Variants in SEH1L observed in about 807,000 individuals in gnomAD.
SEH1L encodes SEH1 like nucleoporin.
Under a neutral mutation model 49.5 loss-of-function variants are expected in SEH1L, and 18 were observed. That is an observed-to-expected ratio of 0.36 (90% CI 0.25 to 0.54). The LOEUF (loss-of-function observed/expected upper bound fraction) is 0.54. Ranked by LOEUF, SEH1L falls within the 20% of genes least tolerant of loss-of-function variation. SEH1L has a pLI of 0.87. For synonymous variants in SEH1L, 169 were observed against 178.1 expected (o/e 0.95, Z 0.41); for missense variants, 404 against 528.8 (o/e 0.76, Z 2.31).
At chr18:12,983,002 C>G (rs983579973) in intron 7 of SEH1L, 1 of 161,446 alleles carries the variant, frequency 6.2e-6, no homozygotes, top group Admixed American at 6.4e-5. Context: ...GTAGTGGCTC[C>G]TTTTTTATCA....
rs201098722 is a variant in SEH1L at position 12,969,686 on chromosome 18, C to CA, written c.522-1451dup. ...CTGGCGACAGAGTGAGACTCCATCT[C>CA]AAAAAAAAAAAAAAAATCAAAACCA... On this transcript the variant is annotated intron_variant, in intron 4 of 8. Coordinates refer to ENST00000399892, the MANE Select transcript of SEH1L (RefSeq NM_001013437.2). Among the ~76,000 whole-genome samples the CA allele has an allele frequency of 9.9e-3, 974 of 98,020 alleles. 6 individuals are homozygous for CA. Among genetic ancestry groups the CA allele is most frequent in the South Asian group, 0.03 (96 of 3,200 alleles). The allele number at this position is 98,020 out of a possible 152,430, so 64.3% of individuals were successfully genotyped here.
chr18:12,960,431 TA>T (rs894745663), intron 3 of SEH1L, among the ~76,000 whole-genome samples: 2 of 152,242 alleles, frequency 1.3e-5, no homozygotes, highest in Non-Finnish European at 2.9e-5. Flanking sequence ...ATAATGGCTA[TA>T]TATATGGAGG....
chr18:12,948,074 G>GCTGCCGCCGCCA lies in SEH1L; in HGVS notation c.-44_-33dup. 6.8e-7 allele frequency: 1 copy of GCTGCCGCCGCCA among 1,469,974 alleles called. No individual in the cohort carries two copies. The highest frequency in any genetic ancestry group is 9.4e-7 in the Non-Finnish European group (1 of 1,064,676). The allele number at this position is 1,469,974 out of a possible 1,614,324, so 91.1% of individuals were successfully genotyped here. On this transcript the variant is annotated 5_prime_UTR_variant, in exon 1 of 9. Transcript: ENST00000399892. ...AGGCTACGGGCCACGCGCCGCCGCC[G>GCTGCCGCCGCCA]CTGCCGCCGCCACTGTCCTCTTCGG... is the stretch of plus-strand genomic sequence containing the variant.
At chr18:12,967,983 T>C (rs1270532506) in intron 4 of SEH1L, among the ~76,000 whole-genome samples, 1 of 152,162 alleles carries the variant, frequency 6.6e-6, no homozygotes, top group African/African-American at 2.4e-5. Context: ...AAATAAATTT[T>C]AGGCCAGTTT....
chr18:12,963,191 C>T lies in SEH1L; in HGVS notation c.341C>T (p.Thr114Ile). 1.9e-6 allele frequency: 3 copies of T among 1,613,414 alleles called. No homozygotes were observed. Among genetic ancestry groups the T allele is most frequent in the Non-Finnish European group, 2.5e-6 (3 of 1,179,568 alleles). ...AGGACAACTCTGGTGGATAGCAGAACATCTGTTACTGATGTGAAGTTTGCT... is the reference window on the plus strand; with the variant it reads ...AGGACAACTCTGGTGGATAGCAGAATATCTGTTACTGATGTGAAGTTTGCT... ...VKRTTLVDSR[T>I]SVTDVKFAPK... The change falls in exon 4 of 9, where the codon ACA becomes ATA. Residue 114 changes from threonine (T) to isoleucine (I), a missense_variant. Coordinates refer to ENST00000399892, the MANE Select transcript of SEH1L (RefSeq NM_001013437.2).
chr18:12,966,380 C>T (rs558379771), intron 4 of SEH1L, among the ~76,000 whole-genome samples: 1 of 152,126 alleles, frequency 6.6e-6, no homozygotes, highest in South Asian at 2.1e-4. Flanking sequence ...GCGTGAGCCA[C>T]CGCACCCAGC....
intron 4 of SEH1L, 65 bp downstream of exon 4, chr18:12,963,436 C>T: frequency 8.0e-7 from 1 of 1,252,582 alleles, no homozygotes; most frequent in Non-Finnish European, 1.2e-6. Flanking sequence ...TTTAAGCTAA[C>T]AATTTGATAA....
intron 1 of SEH1L, chr18:12,948,600 G>C (rs563477759): frequency 2.7e-5 from 5 of 182,010 alleles, no homozygotes; most frequent in African/African-American, 1.2e-4. Context: ...ACCTGCAGTG[G>C]GACCTGGTGG....
intron 2 of SEH1L, among the ~76,000 whole-genome samples, chr18:12,953,417 T>G (rs948949725): frequency 6.6e-6 from 1 of 152,226 alleles, no homozygotes; most frequent in African/African-American, 2.4e-5. Context: ...TCTAAGAAAC[T>G]GCGAAACTCT....
chr18:12,954,473 A>G (rs775828298), intron 2 of SEH1L, among the ~76,000 whole-genome samples: 6 of 152,142 alleles, frequency 3.9e-5, no homozygotes, highest in Non-Finnish European at 7.4e-5. Flanking sequence ...TGAAGCAAAT[A>G]ATTTTTTTTT....
At chr18:12,978,521 T>G in intron 5 of SEH1L, 1 of 418,622 alleles carries the variant, frequency 2.4e-6, no homozygotes, top group East Asian at 3.6e-5. Flanking sequence ...TCGGATGTCA[T>G]TCTGAGGTCC....
chr18:12,954,768 G>A (rs919733640), intron 2 of SEH1L, among the ~76,000 whole-genome samples: 4 of 152,104 alleles, frequency 2.6e-5, no homozygotes, highest in African/African-American at 9.7e-5. Flanking sequence ...ATGCCTGGTT[G>A]AATCAAATGA....
chr18:12,949,470 T>TTTTTTTTTA (rs2030371313), intron 1 of SEH1L, among the ~76,000 whole-genome samples: 1 of 133,250 alleles, frequency 7.5e-6, no homozygotes. Context: ...TTTTTTTTTT[T>TTTTTTTTTA]GAGACGGAGT....
intron 5 of SEH1L, chr18:12,974,034 C>G (rs1300317087): frequency 1.3e-5 from 2 of 152,200 alleles, no homozygotes; most frequent in Non-Finnish European, 1.5e-5. Context: ...GAGAGTGAGA[C>G]AGCAAGTGTC....
At chr18:12,980,348 A>G (rs1448910782) in intron 6 of SEH1L, among the ~76,000 whole-genome samples, 55 of 74,300 alleles carry the variant, frequency 7.4e-4, no homozygotes, top group South Asian at 2.5e-3. Context: ...CCTCCCGGAC[A>G]GGGCGGCTGG....
chr18:12,968,495 T>G (rs763603007), intron 4 of SEH1L, among the ~76,000 whole-genome samples: 1 of 152,198 alleles, frequency 6.6e-6, no homozygotes, highest in Non-Finnish European at 1.5e-5. Context: ...ACCAAATCAC[T>G]CCATGATTGT....
intron 1 of SEH1L, 152 bp downstream of exon 1, chr18:12,948,384 TC>T: frequency 3.6e-6 from 2 of 554,442 alleles, no homozygotes; most frequent in Middle Eastern, 4.8e-4. Flanking sequence ...GCGGAAGCCC[TC>T]CCCGCCCGCG....
At position 12,951,838 on chromosome 18, in the gene SEH1L, C is replaced by A; in HGVS notation, c.112-17C>A. 6.6e-7 allele frequency: 1 copy of A among 1,515,866 alleles called. No individual in the cohort carries two copies. The highest frequency in any genetic ancestry group is 9.1e-7 in the Non-Finnish European group (1 of 1,104,880). The allele number at this position is 1,515,866 out of a possible 1,614,324, so 93.9% of individuals were successfully genotyped here. A position where few individuals can be genotyped will look rare whatever the true frequency, so the allele number is the denominator to read the frequency against. On this transcript the variant is annotated splice_polypyrimidine_tract_variant and intron_variant, in intron 1 of 8. Transcript: ENST00000399892. Reference sequence around the variant, plus strand: ...AGGAATTTTTGTATAAAATATCTGCCTTTTATTTTCTTATAGGTCTGGGAT... The same window carrying A: ...AGGAATTTTTGTATAAAATATCTGCATTTTATTTTCTTATAGGTCTGGGAT...
intron 3 of SEH1L, among the ~76,000 whole-genome samples, chr18:12,959,742 T>G (rs938846412): frequency 6.6e-6 from 1 of 152,238 alleles, no homozygotes; most frequent in Non-Finnish European, 1.5e-5. Context: ...ATTTTTTTCT[T>G]TTGTTTCCCA....
Sources: allele counts gnomAD v4.1 joint callset (sites outside exome capture counted in the v4.1 genomes callset), GRCh38; gene constraint gnomAD v4.1.1; transcripts MANE v1.5; gene names NCBI Gene and HGNC (gene_info 2026-07-23, HGNC 2026-07-21).